The following POT1 variants were observed in gnomAD, a reference collection of about 807,000 sequenced individuals.
The protein encoded by POT1 is protection of telomeres protein 1.
A neutral mutation model predicts 78.5 loss-of-function variants in POT1; 47 were observed. The observed-to-expected ratio is 0.60, with a 90% CI of 0.47 to 0.76. POT1 has a LOEUF of 0.76. Among genes scored for constraint, POT1 ranks in the 30% least tolerant of loss-of-function variants. The probability of loss-of-function intolerance (pLI) is 0.00; values close to 1 mark genes in which losing one functional copy is unlikely to be tolerated. For synonymous variants in POT1, 259 were observed against 260.7 expected (o/e 0.99, Z 0.06); for missense variants, 646 against 749.9 (o/e 0.86, Z 1.62).
chr7:124,863,267 C>T, intron 8 of POT1, 83 bp downstream of exon 8: 1 of 1,323,338 alleles, frequency 7.6e-7, no homozygotes, highest in Non-Finnish European at 1.0e-6. Flanking sequence ...CATGCTTTAT[C>T]TCATCAGAAT....
chr7:124,872,580 C>T (rs1584778806), intron 6 of POT1, among the ~76,000 whole-genome samples: 2 of 152,194 alleles, frequency 1.3e-5, no homozygotes, highest in East Asian at 3.9e-4. Flanking sequence ...ATAATTGCCC[C>T]AAAGTGCTAA....
chr7:124,910,390 T>C (rs1796863117), intron 3 of POT1, among the ~76,000 whole-genome samples: 1 of 151,938 alleles, frequency 6.6e-6, no homozygotes, highest in African/African-American at 2.4e-5. Flanking sequence ...ATGTTAGCCT[T>C]AGAGGGTTAT....
intron 11 of POT1, among the ~76,000 whole-genome samples, chr7:124,850,786 G>T (rs1795287684): frequency 6.6e-6 from 1 of 151,842 alleles, no homozygotes; most frequent in African/African-American, 2.4e-5. Flanking sequence ...AATAATGCCT[G>T]CAGGCACTTA....
intron 6 of POT1, among the ~76,000 whole-genome samples, chr7:124,887,711 G>A (rs186204021): frequency 4.1e-4 from 63 of 152,092 alleles, no homozygotes; most frequent in Admixed American, 1.1e-3. Context: ...GTTAAGCATA[G>A]TTTAATTAGC....
chr7:124,894,521 T>A (rs1796446219), intron 5 of POT1, among the ~76,000 whole-genome samples: 2 of 151,650 alleles, frequency 1.3e-5, no homozygotes, highest in Non-Finnish European at 3.0e-5. Context: ...AGTATTTATG[T>A]GTACAACAGC....
intron 6 of POT1, among the ~76,000 whole-genome samples, chr7:124,887,704 A>T (rs1796279827): frequency 6.6e-6 from 1 of 152,094 alleles, no homozygotes; most frequent in Admixed American, 6.6e-5. Context: ...ATTGACAGTT[A>T]AGCATAGTTT....
At position 124,835,367 on chromosome 7, in the gene POT1, C is replaced by T; in HGVS notation, c.1417G>A (p.Val473Ile). 1.2e-6 allele frequency: 2 copies of T among 1,613,962 alleles called. No individual in the cohort carries two copies. Among genetic ancestry groups the T allele is most frequent in the South Asian group, 1.1e-5 (1 of 91,072 alleles). The change falls in exon 15 of 19, where the codon GTA (valine) becomes ATA (isoleucine). Residue 473 changes from valine to isoleucine, a missense_variant. This residue lies in a region of POT1 where 394 missense variants were observed against 408.4 expected (regional missense o/e 0.96). Coordinates refer to ENST00000357628, the MANE Select transcript of POT1 (RefSeq NM_015450.3). ...TCGTGGCCAGATCTCACAGGAATTA[C>T]ACTATTAAACTTGTTCGAGAGTTTG... ...ICKLSNKFNS[V>I]IPVRSGHEDL...
In POT1 at chr7:124,853,282, C is replaced by T. The variant is rs546237347; in HGVS notation, c.703-144G>A. 857 of 613,526 alleles carry T rather than the reference C, an allele frequency of 1.4e-3. 2 individuals carry two copies. Among genetic ancestry groups the T allele is most frequent in the Admixed American group, 3.5e-3 (110 of 31,664 alleles). The allele number at this position is 613,526 out of a possible 1,614,324, so 38.0% of individuals were successfully genotyped here. On this transcript the variant is annotated intron_variant, in intron 9 of 18. Transcript: ENST00000357628. ...TAAAGTATCTGCAAAGTATGCTATA[C>T]GAGTGTGGTTGAATATCAGCTGCAT...
chr7:124,905,687 G>T (rs1020788595), intron 3 of POT1, among the ~76,000 whole-genome samples: 1 of 152,120 alleles, frequency 6.6e-6, no homozygotes, highest in African/African-American at 2.4e-5. Context: ...ACTACCATCA[G>T]AGTCAACAGG....
rs1299757648 is a variant in POT1, at chr7:124,887,896, TTGA to T, written c.124+4367_124+4369del. Among the ~76,000 whole-genome samples the T allele has an allele frequency of 5.3e-5, 8 of 152,272 alleles. No individual in the cohort carries two copies. In the East Asian group the frequency reaches 1.3e-3, roughly 26 times the overall value. ...CACAATAAACTGAAATTCATGGCTT[TTGA>T]TGTTTTCGTTTACATGTTTGTTAAA... On this transcript the variant is annotated intron_variant, in intron 6 of 18. Transcript: ENST00000357628.
chr7:124,840,451 C>A (rs1330137671), intron 14 of POT1, among the ~76,000 whole-genome samples: 1 of 151,504 alleles, frequency 6.6e-6, no homozygotes, highest in Non-Finnish European at 1.5e-5. Context: ...ATTCACAGTA[C>A]ATATTTTAGA....
intron 3 of POT1, among the ~76,000 whole-genome samples, chr7:124,903,710 C>T (rs1300496741): frequency 1.3e-5 from 2 of 152,016 alleles, no homozygotes; most frequent in Non-Finnish European, 2.9e-5. Context: ...CACAAAAAAC[C>T]CTTCAAAAAA....
Position 124,922,733 on chromosome 7 carries a change from C to G in POT1, c.-227+6082G>C, listed in dbSNP as rs543117744. Among the ~76,000 whole-genome samples, 89 of 151,754 alleles carry G rather than the reference C, an allele frequency of 5.9e-4. 1 individual carries two copies. Among genetic ancestry groups the G allele is most frequent in the South Asian group, 4.4e-3 (21 of 4,808 alleles). ...CTCAGGAAGGAGAACAAAAAACAGG[C>G]AAAACAAAGGGAACTCAAATTGTTT... is the stretch of plus-strand genomic sequence containing the variant. On this transcript the variant is annotated intron_variant, in intron 2 of 18. Transcript: ENST00000357628.
chr7:124,905,471 A>C (rs1169217119), intron 3 of POT1, among the ~76,000 whole-genome samples: 1 of 152,164 alleles, frequency 6.6e-6, no homozygotes, highest in African/African-American at 2.4e-5. Context: ...ACCTTATACA[A>C]AAATTAATTA....
intron 1 of POT1, 102 bp from the exon 2 acceptor site, chr7:124,929,101 C>A (rs1227255215): frequency 6.6e-6 from 1 of 152,132 alleles, no homozygotes; most frequent in Non-Finnish European, 1.5e-5. Context: ...TAACACGGTT[C>A]GGGGTTGGGG....
chr7:124,863,784 A>T (rs1194577305), intron 7 of POT1, 144 bp from the exon 8 acceptor site: 2 of 644,874 alleles, frequency 3.1e-6, no homozygotes, highest in Non-Finnish European at 5.3e-6. Context: ...TTTTTCATTT[A>T]ATTAGCATGT....
chr7:124,878,845 G>T (rs1796051738), intron 6 of POT1, among the ~76,000 whole-genome samples: 3 of 151,898 alleles, frequency 2.0e-5, no homozygotes, highest in African/African-American at 7.3e-5. Context: ...AATATGTATG[G>T]TTACAGAAGA....
At chr7:124,886,948 T>G (rs1379923102) in intron 6 of POT1, among the ~76,000 whole-genome samples, 1 of 152,144 alleles carries the variant, frequency 6.6e-6, no homozygotes, top group Non-Finnish European at 1.5e-5. Flanking sequence ...TTAAAAAAAC[T>G]TTTTAAATTA....
chr7:124,867,464 T>A (rs971667844), intron 7 of POT1, among the ~76,000 whole-genome samples: 1 of 152,120 alleles, frequency 6.6e-6, no homozygotes, highest in African/African-American at 2.4e-5. Flanking sequence ...GTCTTATTTC[T>A]GTTTCTCCAA....
Sources: gnomAD v4.1 joint callset for allele counts (sites outside exome capture counted in the v4.1 genomes callset) on GRCh38, gnomAD v4.1.1 for gene constraint, gnomAD v4.1.1 regional missense constraint, MANE v1.5 for transcripts, NCBI Gene and HGNC (gene_info 2026-07-23, HGNC 2026-07-21) for gene names.